The following RP1L1 variants were observed in gnomAD, a reference collection of about 807,000 sequenced individuals.
RP1L1 encodes the protein RP1 like 1.
In RP1L1, 27 loss-of-function variants were observed where a neutral mutation model predicts 15.7. The observed-to-expected ratio is 1.72, with a 90% CI of 1.27 to 2.38. The LOEUF (loss-of-function observed/expected upper bound fraction) is 2.38, where lower values mean the gene tolerates loss of function less well. Ranked by LOEUF, RP1L1 falls within the 30% of genes most tolerant of loss-of-function variation. The pLI, the probability that RP1L1 is intolerant of heterozygous loss-of-function variation, is 0.00. For missense variants in RP1L1, 4,798 were observed against 3,075.9 expected, an observed-to-expected ratio of 1.56 and a Z score of -13.24; for synonymous variants, 1,813 against 1,276.7, an observed-to-expected ratio of 1.42 and a Z score of -8.96.
chr8:10,619,986 T>C (rs117350488), intron 2 of RP1L1, among the ~76,000 whole-genome samples: 4,426 of 149,372 alleles, frequency 0.03, 71 homozygotes, highest in Middle Eastern at 0.071. Context: ...AAAAAAGATG[T>C]TGAGAGAGGA....
chr8:10,644,542 C>T lies in RP1L1; in HGVS notation c.-20+10356G>A, dbSNP rs76516349. Among the ~76,000 whole-genome samples, 110 of 152,364 alleles carry T rather than the reference C, an allele frequency of 7.2e-4. 3 individuals are homozygous for T. In the East Asian group the frequency reaches 0.017, roughly 23 times the overall value. On this transcript the variant is annotated intron_variant, in intron 1 of 3. Coordinates refer to ENST00000382483, the MANE Select transcript of RP1L1 (RefSeq NM_178857.6). Reference sequence around the variant, plus strand: ...GATGCCATCACAAGGTGACGCTGGACAGAGACCCAGGAACCAGTCCTTCCC... The same window carrying T: ...GATGCCATCACAAGGTGACGCTGGATAGAGACCCAGGAACCAGTCCTTCCC...
intron 1 of RP1L1, among the ~76,000 whole-genome samples, chr8:10,653,602 T>G (rs550110138): frequency 6.6e-6 from 1 of 151,230 alleles, no homozygotes; most frequent in Non-Finnish European, 1.5e-5. Context: ...ACATCACATG[T>G]GCGCACACGC....
At chr8:10,633,599 C>T (rs942264104) in intron 1 of RP1L1, among the ~76,000 whole-genome samples, 3 of 152,246 alleles carry the variant, frequency 2.0e-5, no homozygotes, top group South Asian at 2.1e-4. Flanking sequence ...CTCAGAGGAG[C>T]GCAGCGTCCC....
intron 1 of RP1L1, among the ~76,000 whole-genome samples, chr8:10,629,082 G>A (rs766868792): frequency 5.9e-5 from 9 of 152,244 alleles, no homozygotes; most frequent in Non-Finnish European, 7.3e-5. Flanking sequence ...TTAGACAGCT[G>A]AGCAGGAAAG....
chr8:10,614,376 T>C (rs973613957), intron 3 of RP1L1, among the ~76,000 whole-genome samples: 4 of 151,996 alleles, frequency 2.6e-5, no homozygotes, highest in South Asian at 4.2e-4. Flanking sequence ...TAAGAAAGAA[T>C]GAGCCAGGCG....
chr8:10,654,642 T>C (rs771563073), intron 1 of RP1L1, among the ~76,000 whole-genome samples: 1 of 152,316 alleles, frequency 6.6e-6, no homozygotes, highest in South Asian at 2.1e-4. Flanking sequence ...GCTGTGATAC[T>C]AACATCCTGT....
chr8:10,611,237 T>C lies in RP1L1; in HGVS notation c.2861A>G (p.Glu954Gly). 6.2e-7 allele frequency: 1 copy of C among 1,613,026 alleles called. No individual in the cohort carries two copies. Among genetic ancestry groups the C allele is most frequent in the Non-Finnish European group, 8.5e-7 (1 of 1,180,010 alleles). ...GTCCAGCCATTCGCGGACCACAGCC[T>C]CTGGAGACGAGCGGGGCAGAGAGCT... Reference protein sequence around the residue: ...SPSSLPRSSPEAVVREWLDNI... With the variant: ...SPSSLPRSSPGAVVREWLDNI... The change falls in exon 4 of 4, where the codon GAG (glutamate) becomes GGG (glycine). Residue 954 changes from glutamate (E) to glycine (G), a missense_variant. By Grantham distance (98) the Glu-to-Gly change is moderately conservative (BLOSUM62 -2). Coordinates refer to ENST00000382483, the MANE Select transcript of RP1L1 (RefSeq NM_178857.6).
intron 1 of RP1L1, among the ~76,000 whole-genome samples, chr8:10,646,528 G>A (rs1375575106): frequency 2.0e-5 from 3 of 152,160 alleles, no homozygotes; most frequent in South Asian, 2.1e-4. Context: ...GAAACACCCA[G>A]GGAATTCCAG....
At chr8:10,643,114 A>G (rs957790619) in intron 1 of RP1L1, among the ~76,000 whole-genome samples, 2 of 152,174 alleles carry the variant, frequency 1.3e-5, no homozygotes, top group Admixed American at 1.3e-4. Flanking sequence ...AGGCAGGAGG[A>G]TTGCTTGATC....
chr8:10,622,175 G>A (rs1054007243), intron 2 of RP1L1, among the ~76,000 whole-genome samples: 2 of 152,000 alleles, frequency 1.3e-5, no homozygotes, highest in East Asian at 1.9e-4. Flanking sequence ...TAGAAAATTA[G>A]CTGGGCATGG....
chr8:10,621,160 C>T (rs550191422), intron 2 of RP1L1: 4 of 152,792 alleles, frequency 2.6e-5, no homozygotes, highest in African/African-American at 7.2e-5. Context: ...TTGAGATAGA[C>T]GATATCAAGG....
chr8:10,611,833 G>C lies in RP1L1; in HGVS notation c.2265C>G (p.His755Gln). 1 of 1,613,724 alleles carries C rather than the reference G, an allele frequency of 6.2e-7. No individual in the cohort carries two copies. Among genetic ancestry groups the C allele is most frequent in the South Asian group, 1.1e-5 (1 of 91,088 alleles). Residue 755 changes from histidine to glutamine, a missense_variant, in exon 4 of 4, where the codon CAC becomes CAG. By Grantham distance (24) the His-to-Gln change is conservative. Coordinates refer to ENST00000382483, the MANE Select transcript of RP1L1 (RefSeq NM_178857.6). ...HSDFVSGVSP[H>Q]NAPSAGWAGD... Reference sequence around the variant, plus strand: ...CTGCCCACCCGGCAGAGGGAGCGTTGTGCGGGGAGACTCCAGAAACAAAAT... The same window carrying C: ...CTGCCCACCCGGCAGAGGGAGCGTTCTGCGGGGAGACTCCAGAAACAAAAT...
chr8:10,610,604 TC>T lies in RP1L1; in HGVS notation c.3493del (p.Glu1165LysfsTer25). On this transcript the variant is annotated frameshift_variant, in exon 4 of 4. Transcript: ENST00000382483. LOFTEE classifies it low-confidence loss of function (END_TRUNC). ...KDLWPGCDVG[E>X]DQLDSGLWEL... ...CCAGAGGCCTGAGTCCAGCTGGTCT[TC>T]CCCAACGTCACATCCTGGCCACAGG... The T allele has an allele frequency of 6.2e-7, 1 of 1,613,506 alleles. No individual in the cohort carries two copies. Among genetic ancestry groups the T allele is most frequent in the Non-Finnish European group, 8.5e-7 (1 of 1,180,006 alleles).
At chr8:10,635,090 G>A (rs1325543704) in intron 1 of RP1L1, among the ~76,000 whole-genome samples, 3 of 152,178 alleles carry the variant, frequency 2.0e-5, no homozygotes, top group Admixed American at 6.5e-5. Flanking sequence ...CAGAGCAATG[G>A]AACCGGGGAG....
rs746626880 is a variant in RP1L1, at chr8:10,608,473, C to A, written c.5625G>T (p.Glu1875Asp). ...GEAQPESEDV[E>D]APEAEGEAQP... The stretch of plus-strand genomic sequence containing the variant: ...GGGCCTCTCCTTCTGCCTCTGGGGC[C>A]TCTACATCTTCTGACTCTGGCTGGG... Residue 1875 changes from glutamate to aspartate, a missense_variant, in exon 4 of 4, where the codon GAG (glutamate) becomes GAT (aspartate). Physicochemically the swap from Glu to Asp is conservative, Grantham distance 45. Transcript: ENST00000382483. 6.9e-5 allele frequency: 111 copies of A among 1,604,766 alleles called. No individual in the cohort carries two copies. The highest frequency in any genetic ancestry group is 8.7e-5 in the Non-Finnish European group (102 of 1,176,370).
chr8:10,630,212 T>G (rs1798220462), intron 1 of RP1L1, among the ~76,000 whole-genome samples: 1 of 152,230 alleles, frequency 6.6e-6, no homozygotes, highest in African/African-American at 2.4e-5. Context: ...AGACCCCATC[T>G]TGCCATCTTC....
rs202082944 is a variant in RP1L1 at position 10,622,985 on chromosome 8, G to A, written c.217C>T (p.Pro73Ser). 2.6e-3 allele frequency: 4,173 copies of A among 1,614,142 alleles called. 14 individuals are homozygous for A. The highest frequency in any genetic ancestry group is 3.1e-3 in the Non-Finnish European group (3,701 of 1,180,018). The change falls in exon 2 of 4, where the codon CCT becomes TCT. Residue 73 changes from proline to serine, a missense_variant. By Grantham distance (74) the Pro-to-Ser change is moderately conservative. Transcript: ENST00000382483. ...ALMDELSQRV[P>S]LSFGVRSVTT... ...ACAGAGCGCACCCCAAAGGAGAGAG[G>A]CACGCGCTGGGAGAGCTCGTCCATG...
rs763495243 is a variant in RP1L1, at chr8:10,622,818, C to G, written c.384G>C (p.Gln128His). 1.9e-6 allele frequency: 3 copies of G among 1,613,722 alleles called. No homozygotes were observed. Among genetic ancestry groups the G allele is most frequent in the South Asian group, 1.1e-5 (1 of 91,054 alleles). ...RPQERNPTAQ[Q>H]LRDVEGQREA... ...CACGCTGGCCTTCGACATCCCGCAA[C>G]TGCTGAGCAGTGGGGTTTCTCTCCT... Residue 128 changes from glutamine (Q) to histidine (H), a missense_variant, in exon 2 of 4, where the codon CAG becomes CAC. By Grantham distance (24) the Gln-to-His change is conservative. Transcript: ENST00000382483.
intron 1 of RP1L1, among the ~76,000 whole-genome samples, chr8:10,653,319 G>C (rs775129469): frequency 1.1e-4 from 16 of 152,148 alleles, no homozygotes; most frequent in Non-Finnish European, 1.8e-4. Context: ...CCGAAGGCTT[G>C]TTTAGTCCAG....
Sources: gnomAD v4.1 joint callset for allele counts (sites outside exome capture counted in the v4.1 genomes callset) on GRCh38, gnomAD v4.1.1 for gene constraint, MANE v1.5 for transcripts, NCBI Gene and HGNC (gene_info 2026-07-23, HGNC 2026-07-21) for gene names.